RICTOR: variants seen among roughly 807,000 people sequenced by gnomAD.
RICTOR encodes rapamycin-insensitive companion of mTOR.
A neutral mutation model predicts 214.9 loss-of-function variants in RICTOR; 49 were observed. The observed-to-expected ratio is 0.23, with a 90% CI of 0.18 to 0.29. RICTOR has a LOEUF of 0.29. Ranked by LOEUF, RICTOR falls within the 10% of genes least tolerant of loss-of-function variation. The pLI, the probability that RICTOR is intolerant of heterozygous loss-of-function variation, is 1.00. For missense variants in RICTOR, 1,625 were observed against 2,047.0 expected (o/e 0.79, Z 3.98); for synonymous variants, 717 against 711.3 (o/e 1.01, Z -0.13).
intron 7 of RICTOR, 40 bp downstream of exon 7, chr5:38,990,909 C>A (rs757718712): frequency 7.2e-7 from 1 of 1,395,008 alleles, no homozygotes; most frequent in South Asian, 1.3e-5. Context: ...TATATCCTTT[C>A]TAAAATATTA....
At chr5:38,971,637 T>C in intron 11 of RICTOR, 1 of 269,500 alleles carries the variant, frequency 3.7e-6, no homozygotes, top group Non-Finnish European at 6.9e-6. Flanking sequence ...CACTTCGGCC[T>C]CCCAAAGTTC....
intron 15 of RICTOR, 98 bp from the exon 16 acceptor site, chr5:38,964,990 C>T: frequency 1.6e-6 from 1 of 607,380 alleles, no homozygotes; most frequent in Non-Finnish European, 2.8e-6. Context: ...AAGACTATTA[C>T]AAATTCTGAG....
Position 38,952,303 on chromosome 5 carries a change from T to A in RICTOR, c.3020A>T (p.Asp1007Val). Reference protein sequence around the residue: ...RKHLWPVVPDDVEQLCNELSS... With the variant: ...RKHLWPVVPDVVEQLCNELSS... Reference sequence around the variant, plus strand: ...AAGTTCATTACAGAGTTGTTCCACATCATCTGGAACCACTGGCCACAGATG... The same window carrying A: ...AAGTTCATTACAGAGTTGTTCCACAACATCTGGAACCACTGGCCACAGATG... Residue 1007 changes from aspartate to valine, a missense_variant, in exon 30 of 38, where the codon GAT becomes GTT. Coordinates refer to ENST00000357387, the MANE Select transcript of RICTOR (RefSeq NM_152756.5). The A allele has an allele frequency of 6.2e-7, 1 of 1,612,888 alleles. No homozygotes were observed. The highest frequency in any genetic ancestry group is 1.1e-5 in the South Asian group (1 of 91,062).
chr5:39,012,794 A>G (rs1165824771), intron 3 of RICTOR, among the ~76,000 whole-genome samples: 1 of 152,070 alleles, frequency 6.6e-6, no homozygotes, highest in African/African-American at 2.4e-5. Flanking sequence ...TAGACACCAC[A>G]CTTTTCATTG....
rs956054671 is a variant in RICTOR, at chr5:38,943,435, G to A, written c.4914-464C>T. 5.3e-5 allele frequency among the ~76,000 whole-genome samples: 8 copies of A among 152,148 alleles called. 1 individual carries two copies. In the South Asian group the frequency reaches 1.5e-3, roughly 28 times the overall value. ...TGGGTGAGTGACCAGTTAAGGGCCC[G>A]CTCCCAGAGCTCCCAGCCCAGAGGT... is the stretch of plus-strand genomic sequence containing the variant. On this transcript the variant is annotated intron_variant, in intron 36 of 37. Coordinates refer to ENST00000357387, the MANE Select transcript of RICTOR (RefSeq NM_152756.5).
intron 8 of RICTOR, 55 bp from the exon 9 acceptor site, chr5:38,978,705 T>C (rs1751438485): frequency 7.2e-6 from 6 of 836,048 alleles, no homozygotes; most frequent in Non-Finnish European, 1.1e-5. Context: ...GCATCCTTCC[T>C]GCATTTTATG....
intron 2 of RICTOR, among the ~76,000 whole-genome samples, chr5:39,055,740 T>C (rs867978735): frequency 3.3e-5 from 5 of 152,144 alleles, no homozygotes; most frequent in Admixed American, 6.6e-5. Context: ...CGAGGGAAGA[T>C]TGACTTTTTG....
intron 7 of RICTOR, 75 bp from the exon 8 acceptor site, chr5:38,982,111 T>C (rs1751760001): frequency 9.3e-7 from 1 of 1,080,104 alleles, no homozygotes; most frequent in Non-Finnish European, 1.4e-6. Context: ...CTTTAAAACT[T>C]AATTGCCTTT....
Position 38,990,549 on chromosome 5 carries a change from A to G in RICTOR, c.583+400T>C, listed in dbSNP as rs865988371. Among the ~76,000 whole-genome samples, 32 of 43,498 alleles carry G rather than the reference A, an allele frequency of 7.4e-4. 3 individuals are homozygous for G. Among genetic ancestry groups the G allele is most frequent in the African/African-American group, 2.8e-3 (31 of 11,026 alleles). 28.5% of individuals were successfully genotyped at this position (43,498 alleles called of 152,430 possible). A position where few individuals can be genotyped will look rare whatever the true frequency, so the allele number is the denominator to read the frequency against. ...ACGATATATATACGATATATACACG[A>G]TATACACGATATATACACGATATAT... On this transcript the variant is annotated intron_variant, in intron 7 of 37. Coordinates refer to ENST00000357387, the MANE Select transcript of RICTOR (RefSeq NM_152756.5).
chr5:39,064,426 T>G (rs1440521012), intron 2 of RICTOR, among the ~76,000 whole-genome samples: 5 of 152,234 alleles, frequency 3.3e-5, no homozygotes, highest in Non-Finnish European at 5.9e-5. Flanking sequence ...CAATCTATTG[T>G]GGGAGAGAAA....
chr5:39,011,337 T>A (rs757225238), intron 3 of RICTOR, among the ~76,000 whole-genome samples: 5 of 152,232 alleles, frequency 3.3e-5, no homozygotes, highest in Non-Finnish European at 5.9e-5. Flanking sequence ...AATGCTTGCA[T>A]GTCCAGGCAG....
chr5:38,996,954 G>T, intron 5 of RICTOR, 72 bp from the exon 6 acceptor site: 1 of 968,806 alleles, frequency 1.0e-6, no homozygotes. Flanking sequence ...AATACTGATA[G>T]ATGAAACCCA....
intron 31 of RICTOR, chr5:38,949,422 T>C: frequency 6.3e-7 from 1 of 1,591,334 alleles, no homozygotes; most frequent in Middle Eastern, 1.7e-4. Context: ...CTTTTTAAAA[T>C]CGATCCTTGC....
rs201165768 is a variant in RICTOR at position 38,950,015 on chromosome 5, G to C, written c.3833C>G (p.Ser1278Cys). ...HYLTPQSNHL[S>C]LSKSNSVSLV... is the part of the protein sequence containing the mutation. ...GGACACCGAATTTGATTTGGAGAGAGACAGATGGTTAGACTGTGGCGTCAA... is the reference window on the plus strand; with the variant it reads ...GGACACCGAATTTGATTTGGAGAGACACAGATGGTTAGACTGTGGCGTCAA... Residue 1278 changes from serine (S) to cysteine (C), a missense_variant, in exon 31 of 38, where the codon TCT becomes TGT. Physicochemically the swap from Ser to Cys is moderately radical, Grantham distance 112. Transcript: ENST00000357387. 4 of 1,613,530 alleles carry C rather than the reference G, an allele frequency of 2.5e-6. No individual in the cohort carries two copies. The highest frequency in any genetic ancestry group is 1.7e-5 in the Admixed American group (1 of 59,956).
chr5:38,974,110 T>G (rs1359220933), intron 10 of RICTOR, among the ~76,000 whole-genome samples: 1 of 150,848 alleles, frequency 6.6e-6, no homozygotes, highest in East Asian at 2.0e-4. Flanking sequence ...AGTGTAGTGG[T>G]GCGATCTTGG....
chr5:38,950,457 T>C lies in RICTOR; in HGVS notation c.3391A>G (p.Ile1131Val). The C allele has an allele frequency of 1.9e-6, 3 of 1,613,638 alleles. No individual in the cohort carries two copies. The highest frequency in any genetic ancestry group is 1.7e-5 in the Admixed American group (1 of 59,940). The change falls in exon 31 of 38, where the codon ATC (isoleucine) becomes GTC (valine). Residue 1131 changes from isoleucine to valine, a missense_variant. Physicochemically the swap from Ile to Val is conservative, Grantham distance 29 (BLOSUM62 3). Around this residue, in one of 5 missense-constraint regions of RICTOR, gnomAD observed 1,214 missense variants for 1,470.5 expected, o/e 0.83. Transcript: ENST00000357387. ...ACACTGGGCTCCGTAAGTGTTCTGA[T>C]TCGCCTGTTGCTTGTCTTACTTTCA... ...SSESKTSNRR[I>V]RTLTEPSVDF...
chr5:39,058,353 TGA>T (rs970501713), intron 2 of RICTOR, among the ~76,000 whole-genome samples: 8 of 151,670 alleles, frequency 5.3e-5, no homozygotes, highest in African/African-American at 1.9e-4. Flanking sequence ...CAGAAAGCAA[TGA>T]GAGAAACAAA....
At position 39,039,599 on chromosome 5, in the gene RICTOR, T is replaced by C. The variant is rs191232368; in HGVS notation, c.98-18463A>G. Among the ~76,000 whole-genome samples the C allele has an allele frequency of 3.7e-3, 570 of 152,144 alleles. 5 individuals carry two copies. The highest frequency in any genetic ancestry group is 0.013 in the African/African-American group (549 of 41,512). On this transcript the variant is annotated intron_variant, in intron 2 of 37. Transcript: ENST00000357387. ...AAGGGCTAATATCCAGAATCTACAA[T>C]GAAGTCAAACAAATTTACAAGGAAA...
At chr5:39,037,668 G>A (rs567277867) in intron 2 of RICTOR, among the ~76,000 whole-genome samples, 5 of 152,022 alleles carry the variant, frequency 3.3e-5, no homozygotes, top group African/African-American at 7.2e-5. Context: ...TACAAACTAC[G>A]ATCAGAGAAT....
Sources: gnomAD v4.1 joint callset for allele counts (sites outside exome capture counted in the v4.1 genomes callset) on GRCh38, gnomAD v4.1.1 for gene constraint, gnomAD v4.1.1 regional missense constraint, MANE v1.5 for transcripts, NCBI Gene and HGNC (gene_info 2026-07-23, HGNC 2026-07-21) for gene names.